GDAP1: variants seen among roughly 807,000 people sequenced by gnomAD.
GDAP1 encodes ganglioside induced differentiation associated protein 1.
Under a neutral mutation model 40.1 loss-of-function variants are expected in GDAP1, and 34 were observed. The observed-to-expected ratio is 0.85, with a 90% confidence interval of 0.64 to 1.13. The LOEUF (loss-of-function observed/expected upper bound fraction) is 1.13, where lower values mean the gene tolerates loss of function less well. GDAP1 is among the 50% of genes most tolerant of loss of function. GDAP1 has a pLI of 0.00. For synonymous variants in GDAP1, 170 were observed against 157.4 expected, an observed-to-expected ratio of 1.08 and a Z score of -0.60; for missense variants, 374 against 433.7, an observed-to-expected ratio of 0.86 and a Z score of 1.22.
chr8:74,383,235 A>C (rs548921700), intron 2 of GDAP1, among the ~76,000 whole-genome samples: 1 of 152,322 alleles, frequency 6.6e-6, no homozygotes, highest in East Asian at 1.9e-4. Context: ...GTTGGGGGAA[A>C]TCTTAATTCA....
chr8:74,482,993 G>A (rs1334799883), intron 2 of GDAP1, among the ~76,000 whole-genome samples: 1 of 152,128 alleles, frequency 6.6e-6, no homozygotes, highest in Non-Finnish European at 1.5e-5. Flanking sequence ...TTTGCTGGCT[G>A]TGTAACTTGA....
intron 2 of GDAP1, among the ~76,000 whole-genome samples, chr8:74,372,897 T>C (rs967364790): frequency 2.6e-5 from 4 of 152,214 alleles, no homozygotes; most frequent in Non-Finnish European, 5.9e-5. Flanking sequence ...TTTATGGTTT[T>C]AGGTCTAACA....
chr8:74,354,036 G>A (rs79492813), intron 2 of GDAP1, among the ~76,000 whole-genome samples: 140 of 152,136 alleles, frequency 9.2e-4, no homozygotes, highest in African/African-American at 3.3e-3. Flanking sequence ...TTGCGATTAC[G>A]TTACATATAC....
In GDAP1 at chr8:74,365,835, T is replaced by A; in HGVS notation, c.*1468T>A. On this transcript the variant is annotated 3_prime_UTR_variant, in exon 6 of 6. Transcript: ENST00000220822. ...CAGAGTAAACTCAGTCAAACAATAA[T>A]TGAGTAGCAGCTTTTATAACATTTA... The A allele has an allele frequency of 2.2e-6, 1 of 454,090 alleles. No individual in the cohort carries two copies. Among genetic ancestry groups the A allele is most frequent in the Non-Finnish European group, 4.4e-6 (1 of 226,776 alleles). The allele number at this position is 454,090 out of a possible 1,614,324, so 28.1% of individuals were successfully genotyped here.
chr8:74,429,813 T>C (rs1806003812), intron 2 of GDAP1, among the ~76,000 whole-genome samples: 1 of 152,224 alleles, frequency 6.6e-6, no homozygotes, highest in South Asian at 2.1e-4. Flanking sequence ...ATGTAGAATG[T>C]ATGTACAGTC....
chr8:74,389,081 G>A lies in GDAP1; in HGVS notation c.165+37760G>A, dbSNP rs557772860. On this transcript the variant is annotated intron_variant, in intron 2 of 2. Coordinates refer to the GDAP1 transcript ENST00000523640. ...TTTGAGCCTATTTGTGTCTTTTCTCGTGAGATGGGTCTCCTGAATACAGCA... is the reference window on the plus strand; with the variant it reads ...TTTGAGCCTATTTGTGTCTTTTCTCATGAGATGGGTCTCCTGAATACAGCA... 8.6e-5 allele frequency among the ~76,000 whole-genome samples: 13 copies of A among 151,808 alleles called. No homozygotes were observed. In the East Asian group the frequency reaches 1.7e-3, roughly 20 times the overall value.
At chr8:74,363,847 G>T in intron 5 of GDAP1, 138 bp from the exon 6 acceptor site, 1 of 723,486 alleles carries the variant, frequency 1.4e-6, no homozygotes, top group Non-Finnish European at 2.4e-6. Context: ...GAGTGTGGCT[G>T]TCAAGAAAAT....
At chr8:74,413,984 T>C (rs1284510590) in intron 2 of GDAP1, among the ~76,000 whole-genome samples, 2 of 150,046 alleles carry the variant, frequency 1.3e-5, no homozygotes, top group African/African-American at 5.1e-5. Context: ...AAAAAGCATA[T>C]GTAGACTTTG....
chr8:74,413,295 C>A (rs1805738325), intron 2 of GDAP1, among the ~76,000 whole-genome samples: 1 of 149,374 alleles, frequency 6.7e-6, no homozygotes, highest in Admixed American at 6.6e-5. Flanking sequence ...CAGGCAGATT[C>A]AGGAAGAAGG....
At chr8:74,380,703 T>C (rs1207125173) in intron 2 of GDAP1, among the ~76,000 whole-genome samples, 1 of 152,176 alleles carries the variant, frequency 6.6e-6, no homozygotes, top group African/African-American at 2.4e-5. Flanking sequence ...TAGGACACCA[T>C]TTAAAAGACA....
At chr8:74,388,542 A>G (rs1185981732) in intron 2 of GDAP1, among the ~76,000 whole-genome samples, 5 of 152,042 alleles carry the variant, frequency 3.3e-5, no homozygotes, top group Non-Finnish European at 7.4e-5. Flanking sequence ...GTGGTCTGAG[A>G]GGCTGTTTGT....
intron 2 of GDAP1, among the ~76,000 whole-genome samples, chr8:74,400,527 T>C: frequency 6.7e-6 from 1 of 150,148 alleles, no homozygotes; most frequent in Admixed American, 6.6e-5. Flanking sequence ...CTGTGTCTTT[T>C]AATTGGAGCA....
chr8:74,442,473 A>G (rs1162528758), intron 2 of GDAP1, among the ~76,000 whole-genome samples: 2 of 152,174 alleles, frequency 1.3e-5, no homozygotes, highest in East Asian at 1.9e-4. Flanking sequence ...TGAGGCCACA[A>G]TTTTATTAAG....
intron 2 of GDAP1, among the ~76,000 whole-genome samples, chr8:74,389,671 A>G (rs1810078563): frequency 2.0e-5 from 3 of 152,174 alleles, no homozygotes; most frequent in South Asian, 4.2e-4. Context: ...GCCCTTCTCA[A>G]GGAGTATCTT....
At position 74,469,390 on chromosome 8, in the gene GDAP1, C is replaced by T. The variant is rs373883772; in HGVS notation, c.166-19288C>T. On this transcript the variant is annotated intron_variant, in intron 2 of 2. Transcript: ENST00000523640. The stretch of plus-strand genomic sequence containing the variant: ...AAAATTTGTTAAAAGTATTCTGAGG[C>T]GGGCGCAGTGGCTCACGCCTGTAAT... 2.0e-4 allele frequency among the ~76,000 whole-genome samples: 30 copies of T among 152,228 alleles called. No individual in the cohort carries two copies. The East Asian group carries it at 4.6e-3, about 23-fold the overall frequency.
At chr8:74,416,467 A>C (rs1209074510) in intron 2 of GDAP1, among the ~76,000 whole-genome samples, 1 of 150,328 alleles carries the variant, frequency 6.7e-6, no homozygotes, top group Non-Finnish European at 1.5e-5. Context: ...AACCTCAGCT[A>C]TCATCATTGC....
chr8:74,457,214 C>T (rs1010918222), intron 2 of GDAP1, among the ~76,000 whole-genome samples: 2 of 152,058 alleles, frequency 1.3e-5, no homozygotes, highest in African/African-American at 4.8e-5. Flanking sequence ...AAGTGAGTGA[C>T]AGAAAACTGT....
At chr8:74,402,993 A>G (rs1373411979) in intron 2 of GDAP1, among the ~76,000 whole-genome samples, 2 of 150,052 alleles carry the variant, frequency 1.3e-5, no homozygotes, top group Non-Finnish European at 2.9e-5. Context: ...AAGTTAATGG[A>G]TATGTAGGAA....
At chr8:74,440,902 ATTG>A (rs1399855788) in intron 2 of GDAP1, among the ~76,000 whole-genome samples, 5 of 152,162 alleles carry the variant, frequency 3.3e-5, no homozygotes, top group Admixed American at 1.3e-4. Flanking sequence ...GTAACTAACA[ATTG>A]TTGTTGAATT....
Sources: allele counts gnomAD v4.1 joint callset (sites outside exome capture counted in the v4.1 genomes callset), GRCh38; gene constraint gnomAD v4.1.1; transcripts MANE v1.5; gene names NCBI Gene and HGNC (gene_info 2026-07-23, HGNC 2026-07-21).